Variants in NRXN3 observed in about 807,000 individuals in gnomAD.
NRXN3 encodes the protein neurexin III.
Under a neutral mutation model 137.6 loss-of-function variants are expected in NRXN3, and 32 were observed. That is an observed-to-expected ratio of 0.23 (90% confidence interval 0.18 to 0.31). NRXN3 has a LOEUF of 0.31. Ranked by LOEUF, NRXN3 falls within the 10% of genes least tolerant of loss-of-function variation. NRXN3 has a pLI of 1.00. For missense variants in NRXN3, 1,574 were observed against 2,062.5 expected, an observed-to-expected ratio of 0.76 and a Z score of 4.59; for synonymous variants, 798 against 784.5, an observed-to-expected ratio of 1.02 and a Z score of -0.29.
At chr14:79,527,743 C>T (rs2097133797) in intron 16 of NRXN3, among the ~76,000 whole-genome samples, 1 of 151,588 alleles carries the variant, frequency 6.6e-6, no homozygotes, top group East Asian at 2.0e-4. Context: ...CGTGGTGGTG[C>T]ACCTGTAGTC....
chr14:78,574,499 G>T (rs1199384193), intron 4 of NRXN3, among the ~76,000 whole-genome samples: 2 of 152,246 alleles, frequency 1.3e-5, no homozygotes, highest in Non-Finnish European at 2.9e-5. Flanking sequence ...GCATCAGCAT[G>T]CCCTGGATGT....
intron 6 of NRXN3, among the ~76,000 whole-genome samples, chr14:78,680,130 C>G (rs183566710): frequency 7.9e-5 from 12 of 152,072 alleles, no homozygotes; most frequent in Admixed American, 2.6e-4. Context: ...AACACAGGAA[C>G]AGAAAACCAA....
At chr14:78,852,826 G>A (rs1024625967) in intron 10 of NRXN3, among the ~76,000 whole-genome samples, 4 of 151,638 alleles carry the variant, frequency 2.6e-5, no homozygotes, top group African/African-American at 9.7e-5. Flanking sequence ...TAAAGATTAA[G>A]TGGAATCATG....
chr14:78,447,592 A>G (rs1019150292), intron 4 of NRXN3, among the ~76,000 whole-genome samples: 2 of 152,250 alleles, frequency 1.3e-5, no homozygotes, highest in African/African-American at 4.8e-5. Context: ...CACCACTCCA[A>G]GCCCCAAAGG....
intron 10 of NRXN3, among the ~76,000 whole-genome samples, chr14:78,836,511 T>G (rs566435488): frequency 9.2e-4 from 140 of 152,328 alleles, no homozygotes; most frequent in Non-Finnish European, 1.5e-3. Flanking sequence ...TACATTTTCA[T>G]AAGCATGTGC....
chr14:79,252,929 C>T (rs1242209505), intron 15 of NRXN3, among the ~76,000 whole-genome samples: 1 of 152,110 alleles, frequency 6.6e-6, no homozygotes, highest in East Asian at 1.9e-4. Flanking sequence ...CTAGGTGGCA[C>T]CTATGTGGTT....
At chr14:79,706,419 CTTT>C (rs919138966) in intron 19 of NRXN3, among the ~76,000 whole-genome samples, 4 of 115,988 alleles carry the variant, frequency 3.4e-5, no homozygotes, top group Admixed American at 9.1e-5. Flanking sequence ...GGCTTTTTTA[CTTT>C]TTTTTTTTTT....
At chr14:78,776,660 G>A (rs1466144707) in intron 8 of NRXN3, among the ~76,000 whole-genome samples, 7 of 152,264 alleles carry the variant, frequency 4.6e-5, no homozygotes, top group African/African-American at 1.7e-4. Flanking sequence ...TGGTAAAAAT[G>A]CTAGATTGTT....
chr14:79,366,060 C>T (rs1054213888), intron 15 of NRXN3, among the ~76,000 whole-genome samples: 2 of 152,092 alleles, frequency 1.3e-5, no homozygotes, highest in African/African-American at 4.8e-5. Context: ...GTGTGTAAAA[C>T]ATAAACAGAA....
chr14:79,216,109 G>C (rs1422456659), intron 15 of NRXN3, among the ~76,000 whole-genome samples: 1 of 152,170 alleles, frequency 6.6e-6, no homozygotes, highest in African/African-American at 2.4e-5. Context: ...AGCTAGAAGT[G>C]ACTGGCATGG....
At chr14:79,412,450 G>C (rs1000081938) in intron 15 of NRXN3, among the ~76,000 whole-genome samples, 1 of 151,950 alleles carries the variant, frequency 6.6e-6, no homozygotes, top group Non-Finnish European at 1.5e-5. Context: ...CTGAGATCTA[G>C]GGGCAAAAGG....
At chr14:79,019,591 C>T (rs1431179608) in intron 15 of NRXN3, among the ~76,000 whole-genome samples, 4 of 151,986 alleles carry the variant, frequency 2.6e-5, no homozygotes, top group East Asian at 1.9e-4. Flanking sequence ...TGTCCGTGCT[C>T]GGGTGGAAGC....
At chr14:78,696,987 CA>C (rs1434327260) in intron 6 of NRXN3, among the ~76,000 whole-genome samples, 28 of 152,058 alleles carry the variant, frequency 1.8e-4, no homozygotes, top group Non-Finnish European at 3.7e-4. Flanking sequence ...CCACTGTTCC[CA>C]GTTCCCACAC....
At chr14:79,412,196 G>A (rs139358383) in intron 15 of NRXN3, among the ~76,000 whole-genome samples, 45 of 152,158 alleles carry the variant, frequency 3.0e-4, no homozygotes, top group Admixed American at 2.4e-3. Context: ...GCTCCTTGAC[G>A]TTAGAAAAAT....
chr14:78,718,829 C>G (rs371166006), intron 8 of NRXN3, among the ~76,000 whole-genome samples: 54 of 152,320 alleles, frequency 3.5e-4, no homozygotes, highest in African/African-American at 1.3e-3. Flanking sequence ...TCTCCATGAC[C>G]TAAACAGCAA....
intron 1 of NRXN3, among the ~76,000 whole-genome samples, chr14:78,234,994 T>TTATATATATATATATATATATATATATA (rs57469863): frequency 9.2e-6 from 1 of 108,808 alleles, no homozygotes; most frequent in African/African-American, 3.3e-5. Context: ...ACAAATGCTT[T>TTATATATATATATATATATATATATATA]TATATATATA....
intron 16 of NRXN3, among the ~76,000 whole-genome samples, chr14:79,502,821 G>A (rs2096838688): frequency 6.6e-6 from 1 of 151,496 alleles, no homozygotes; most frequent in South Asian, 2.1e-4. Flanking sequence ...TCTTTGCTTG[G>A]CTTTTTTTTT....
chr14:78,464,027 A>G (rs2095017886), intron 4 of NRXN3, among the ~76,000 whole-genome samples: 1 of 147,036 alleles, frequency 6.8e-6, no homozygotes, highest in Admixed American at 7.0e-5. Context: ...TGAAAAGGCG[A>G]GTTTTATTTT....
chr14:79,591,303 C>T (rs565057722), intron 16 of NRXN3, among the ~76,000 whole-genome samples: 13 of 152,316 alleles, frequency 8.5e-5, no homozygotes, highest in Admixed American at 7.2e-4. Context: ...AGGAAATCAA[C>T]ATTTAGAAAT....
Sources: allele counts gnomAD v4.1 joint callset (sites outside exome capture counted in the v4.1 genomes callset), GRCh38; gene constraint gnomAD v4.1.1; transcripts MANE v1.5; gene names NCBI Gene and HGNC (gene_info 2026-07-23, HGNC 2026-07-21).